FERMT1: variants seen among roughly 807,000 people sequenced by gnomAD.
FERMT1 encodes the protein fermitin family homolog 1.
A neutral mutation model predicts 85.3 loss-of-function variants in FERMT1; 60 were observed. The observed-to-expected ratio is 0.70, with a 90% confidence interval of 0.57 to 0.87. FERMT1 has a LOEUF of 0.87. Among genes scored for constraint, FERMT1 ranks in the 40% least tolerant of loss-of-function variants. The probability of loss-of-function intolerance (pLI) is 0.00; values close to 1 mark genes in which losing one functional copy is unlikely to be tolerated. For synonymous variants in FERMT1, 275 were observed against 301.1 expected, an observed-to-expected ratio of 0.91 and a Z score of 0.90; for missense variants, 701 against 818.9, an observed-to-expected ratio of 0.86 and a Z score of 1.76.
intron 6 of FERMT1, among the ~76,000 whole-genome samples, chr20:6,101,437 A>G (rs1290573071): frequency 6.6e-6 from 1 of 152,202 alleles, no homozygotes; most frequent in Non-Finnish European, 1.5e-5. Context: ...GTTTTGAAGT[A>G]AAAAGAAGCA....
Position 6,115,681 on chromosome 20 carries a change from C to T in FERMT1, c.385+130G>A. ...TAAATGGCTGCAATACCCAGAAGGG[C>T]TTAAACATGTGCTTCCTAATAGGTG... On this transcript the variant is annotated intron_variant, in intron 3 of 14. Transcript: ENST00000217289. 5.3e-6 allele frequency: 4 copies of T among 760,782 alleles called. No individual in the cohort carries two copies. In the East Asian group the frequency reaches 8.0e-5, roughly 15 times the overall value. The allele number at this position is 760,782 out of a possible 1,614,324, so 47.1% of individuals were successfully genotyped here.
At chr20:6,094,372 C>T (rs1335756743) in intron 9 of FERMT1, among the ~76,000 whole-genome samples, 1 of 152,200 alleles carries the variant, frequency 6.6e-6, no homozygotes, top group African/African-American at 2.4e-5. Flanking sequence ...TTCAGGTCAA[C>T]CTGAGGTGAT....
In FERMT1 at chr20:6,119,394, A is replaced by G; in HGVS notation, c.151+10T>C. On this transcript the variant is annotated intron_variant, in intron 2 of 14. Transcript: ENST00000217289. ...TAATACAGAGAAACCGTAAAGCAAGAGTAACTTACTGATCTGTTCTACTAA... is the reference window on the plus strand; with the variant it reads ...TAATACAGAGAAACCGTAAAGCAAGGGTAACTTACTGATCTGTTCTACTAA... 1.2e-6 allele frequency: 2 copies of G among 1,613,848 alleles called. No homozygotes were observed. Among genetic ancestry groups the G allele is most frequent in the East Asian group, 2.2e-5 (1 of 44,878 alleles).
chr20:6,117,665 C>T (rs1387557004), intron 2 of FERMT1, among the ~76,000 whole-genome samples: 3 of 152,198 alleles, frequency 2.0e-5, no homozygotes, highest in African/African-American at 4.8e-5. Context: ...AACTCCTGAC[C>T]TCGTGATCCA....
intron 14 of FERMT1, 72 bp downstream of exon 14, chr20:6,079,364 C>T: frequency 3.3e-6 from 5 of 1,496,684 alleles, no homozygotes; most frequent in Non-Finnish European, 4.6e-6. Context: ...TTTTAAAACT[C>T]AGAATAATCT....
At chr20:6,092,638 G>A (rs1267771353) in intron 9 of FERMT1, among the ~76,000 whole-genome samples, 5 of 152,160 alleles carry the variant, frequency 3.3e-5, no homozygotes, top group African/African-American at 7.2e-5. Flanking sequence ...CCCCATGCAA[G>A]GATGAACTTC....
chr20:6,117,564 G>T (rs1195469084), intron 2 of FERMT1, among the ~76,000 whole-genome samples: 1 of 152,142 alleles, frequency 6.6e-6, no homozygotes, highest in Non-Finnish European at 1.5e-5. Context: ...CTCCTGAGTA[G>T]CTGGGATTGT....
intron 7 of FERMT1, among the ~76,000 whole-genome samples, 171 bp from the exon 8 acceptor site, chr20:6,097,204 C>G (rs1333043081): frequency 6.6e-6 from 1 of 152,226 alleles, no homozygotes; most frequent in African/African-American, 2.4e-5. Context: ...CTGAATCGTT[C>G]TGAGGTTCAT....
intron 14 of FERMT1, among the ~76,000 whole-genome samples, chr20:6,078,641 T>G (rs1367295915): frequency 7.2e-6 from 1 of 139,086 alleles, no homozygotes; most frequent in African/African-American, 2.6e-5. Context: ...GCGTTTTTTT[T>G]TTTTGTTTTT....
intron 6 of FERMT1, among the ~76,000 whole-genome samples, chr20:6,099,635 T>C (rs1982602951): frequency 1.3e-5 from 2 of 152,044 alleles, no homozygotes. Context: ...GTACAGACTT[T>C]CTTTTTGGGA....
chr20:6,090,012 T>C (rs1013599657), intron 9 of FERMT1, among the ~76,000 whole-genome samples: 5 of 151,814 alleles, frequency 3.3e-5, no homozygotes, highest in Middle Eastern at 6.3e-3. Context: ...GCATCAAGAA[T>C]GGGAGAAGAA....
Position 6,104,068 on chromosome 20 carries a change from A to C in FERMT1, c.849+3464T>G, listed in dbSNP as rs1325550154. 6.6e-6 allele frequency among the ~76,000 whole-genome samples: 1 copy of C among 151,882 alleles called. No individual in the cohort carries two copies. The highest frequency in any genetic ancestry group is 2.4e-5 in the African/African-American group (1 of 41,326). Reference sequence around the variant, plus strand: ...GTATTTTTAGTAGAGATGGGGTTTCACCATGTTGGCCAGGCTAGTCTCGAA... The same window carrying C: ...GTATTTTTAGTAGAGATGGGGTTTCCCCATGTTGGCCAGGCTAGTCTCGAA... On this transcript the variant is annotated intron_variant, in intron 6 of 14. Transcript: ENST00000217289. The surrounding 1 kb of genome is among the most constrained non-coding windows in gnomAD (Gnocchi z 4.2).
chr20:6,120,527 A>T lies in FERMT1; in HGVS notation c.-18-955T>A, dbSNP rs143554319. 4.6e-3 allele frequency: 703 copies of T among 152,372 alleles called. 7 individuals are homozygous for T. The highest frequency in any genetic ancestry group is 0.016 in the African/African-American group (670 of 41,588). 9.4% of individuals were successfully genotyped at this position (152,372 alleles called of 1,614,324 possible). Reference sequence around the variant, plus strand: ...ATCCAAATTGGCAGAACTGAAACAAAACTTGAGATGTCAGTTCTCTCTTAC... The same window carrying T: ...ATCCAAATTGGCAGAACTGAAACAATACTTGAGATGTCAGTTCTCTCTTAC... On this transcript the variant is annotated intron_variant, in intron 1 of 14. Transcript: ENST00000217289.
chr20:6,078,170 C>T (rs1002292722), intron 14 of FERMT1, among the ~76,000 whole-genome samples: 2 of 152,328 alleles, frequency 1.3e-5, no homozygotes, highest in East Asian at 3.9e-4. Flanking sequence ...CGTTCCTCCT[C>T]CCAGAGATTC....
intron 6 of FERMT1, among the ~76,000 whole-genome samples, chr20:6,107,199 C>CAAAAAA (rs59180891): frequency 7.6e-5 from 7 of 92,654 alleles, no homozygotes; most frequent in Admixed American, 2.5e-4. Context: ...CTGTCTCAAC[C>CAAAAAA]AAAAAAAAAA....
At chr20:6,086,521 G>A (rs967923104) in intron 11 of FERMT1, among the ~76,000 whole-genome samples, 1 of 152,190 alleles carries the variant, frequency 6.6e-6, no homozygotes, top group Non-Finnish European at 1.5e-5. Flanking sequence ...GGTGAGGAAC[G>A]TTGAATTACT....
Position 6,077,312 on chromosome 20 carries a change from G to A in FERMT1, c.1895C>T (p.Ala632Val). ...GCAATCTGCACTCAGGCAGGTGAAAGCAGTAAAGACGTTTTGGTCAAACTC... is the reference window on the plus strand; with the variant it reads ...GCAATCTGCACTCAGGCAGGTGAAAACAGTAAAGACGTTTTGGTCAAACTC... Reference protein sequence around the residue: ...VIEFDQNVFTAFTCLSADCKI... With the variant: ...VIEFDQNVFTVFTCLSADCKI... The change falls in exon 15 of 15, where the codon GCT (alanine) becomes GTT (valine). Residue 632 changes from alanine (A) to valine (V), a missense_variant. Ala to Val is a moderately conservative substitution (Grantham distance 64). Coordinates refer to ENST00000217289, the MANE Select transcript of FERMT1 (RefSeq NM_017671.5). 6.2e-7 allele frequency: 1 copy of A among 1,614,190 alleles called. No individual in the cohort carries two copies. The highest frequency in any genetic ancestry group is 8.5e-7 in the Non-Finnish European group (1 of 1,180,038).
At chr20:6,106,798 C>A (rs954013949) in intron 6 of FERMT1, among the ~76,000 whole-genome samples, 1 of 152,192 alleles carries the variant, frequency 6.6e-6, no homozygotes, top group African/African-American at 2.4e-5. Context: ...TAAGCAAGCA[C>A]TGGAGTGTGG....
At chr20:6,103,590 CT>C (rs1982718597) in intron 6 of FERMT1, among the ~76,000 whole-genome samples, 1 of 152,072 alleles carries the variant, frequency 6.6e-6, no homozygotes, top group East Asian at 1.9e-4. Context: ...ACTTTTTGAT[CT>C]TTGCCACTGT....
Sources: gnomAD v4.1 joint callset for allele counts (sites outside exome capture counted in the v4.1 genomes callset) on GRCh38, gnomAD v4.1.1 for gene constraint, Gnocchi (gnomAD v3.1) non-coding constraint, MANE v1.5 for transcripts, NCBI Gene and HGNC (gene_info 2026-07-23, HGNC 2026-07-21) for gene names.